ABCA9: variants seen among roughly 807,000 people sequenced by gnomAD.
The protein encoded by ABCA9 is ATP binding cassette subfamily A member 9.
ABCA9 carries 183 observed loss-of-function variants against 205.3 expected under a neutral mutation model. The observed-to-expected ratio is 0.89, with a 90% CI of 0.79 to 1.01. The LOEUF (loss-of-function observed/expected upper bound fraction) is 1.01, where lower values mean the gene tolerates loss of function less well. Among genes scored for constraint, ABCA9 ranks in the 50% least tolerant of loss-of-function variants. The pLI is 0.00. For synonymous variants in ABCA9, 651 were observed against 683.3 expected (o/e 0.95, Z 0.74); for missense variants, 1,805 against 1,912.4 (o/e 0.94, Z 1.05).
chr17:68,996,728 T>G (rs531299267), intron 25 of ABCA9, among the ~76,000 whole-genome samples: 1 of 152,358 alleles, frequency 6.6e-6, no homozygotes, highest in African/African-American at 2.4e-5. Flanking sequence ...GTAAATAACT[T>G]TATAATTTTA....
chr17:69,016,378 A>G lies in ABCA9; in HGVS notation c.2914T>C (p.Ser972Pro). ...VSGDEKDHRF[S>P]IACNTKRLNC... Reference sequence around the variant, plus strand: ...AGCCGTTTTGTATTACATGCTATTGAAAATCTGTGATCCTGAAATACAACA... The same window carrying G: ...AGCCGTTTTGTATTACATGCTATTGGAAATCTGTGATCCTGAAATACAACA... The change falls in exon 22 of 39, where the codon TCA becomes CCA. Residue 972 changes from serine to proline, a missense_variant. Coordinates refer to ENST00000340001, the MANE Select transcript of ABCA9 (RefSeq NM_080283.4). 1.3e-6 allele frequency: 2 copies of G among 1,583,874 alleles called. No individual in the cohort carries two copies. The highest frequency in any genetic ancestry group is 1.7e-6 in the Non-Finnish European group (2 of 1,169,492).
intron 22 of ABCA9, 151 bp downstream of exon 22, chr17:69,016,102 G>GTATATATATATATA (rs369501172): frequency 3.9e-6 from 1 of 255,614 alleles, no homozygotes; most frequent in African/African-American, 2.5e-5. Context: ...ATGTGTGTGT[G>GTATATATATATATA]TATATATATA....
At chr17:69,078,769 T>C in the ABCA9 span, 2 of 388,250 alleles carry the variant, frequency 5.2e-6, no homozygotes, top group Non-Finnish European at 9.1e-6. Context: ...TTTACTAATA[T>C]TTTGTATTGC....
intron 30 of ABCA9, 146 bp downstream of exon 30, chr17:68,989,667 T>C (rs1257318294): frequency 1.8e-6 from 1 of 562,844 alleles, no homozygotes; most frequent in Non-Finnish European, 3.2e-6. Context: ...GTCGTTATCA[T>C]TTCAACTGAG....
intron 10 of ABCA9, among the ~76,000 whole-genome samples, chr17:69,029,974 CA>C (rs2071107070): frequency 6.6e-6 from 1 of 152,132 alleles, no homozygotes; most frequent in Non-Finnish European, 1.5e-5. Context: ...ATCTGTAGAA[CA>C]AACCCCCATG....
At chr17:69,076,435 A>T in the ABCA9 span, among the ~76,000 whole-genome samples, 1 of 152,074 alleles carries the variant, frequency 6.6e-6, no homozygotes, top group South Asian at 2.1e-4. Context: ...TTTGCTGAGG[A>T]TATTTGTATC....
chr17:69,001,324 G>A (rs2069858891), intron 25 of ABCA9, among the ~76,000 whole-genome samples: 1 of 152,130 alleles, frequency 6.6e-6, no homozygotes, highest in African/African-American at 2.4e-5. Context: ...TTTTTAGCAT[G>A]CAAGGTTGTT....
intron 37 of ABCA9, among the ~76,000 whole-genome samples, chr17:68,978,165 C>T (rs987943505): frequency 6.6e-6 from 1 of 152,136 alleles, no homozygotes; most frequent in South Asian, 2.1e-4. Flanking sequence ...ATTGGGTGCA[C>T]ATATATTTAG....
At position 69,060,880 on chromosome 17, in the gene ABCA9, G is replaced by A. The variant is rs1275254970; in HGVS notation, c.-28C>T. On this transcript the variant is annotated 5_prime_UTR_variant, in exon 1 of 39. Coordinates refer to ENST00000340001, the MANE Select transcript of ABCA9 (RefSeq NM_080283.4). ...GGTTAACTTACTCTCAGGAAAGCTG[G>A]AGGAAAAATCTAGAAACACAGTTCA... The A allele has an allele frequency of 7.1e-6, 7 of 985,290 alleles. No homozygotes were observed. The highest frequency in any genetic ancestry group is 7.2e-6 in the Non-Finnish European group (6 of 829,938). 61.0% of individuals were successfully genotyped at this position (985,290 alleles called of 1,614,324 possible). A position where few individuals can be genotyped will look rare whatever the true frequency, so the allele number is the denominator to read the frequency against.
In ABCA9 at chr17:69,060,732, T is replaced by C. The variant is rs182969128; in HGVS notation, c.-14+134A>G. ...TAGACATACAAAATAAAATAGATGA[T>C]TTAAAAAGTCAAAATGACTCGTTAA... On this transcript the variant is annotated intron_variant, in intron 1 of 38. Coordinates refer to ENST00000340001, the MANE Select transcript of ABCA9 (RefSeq NM_080283.4). The C allele has an allele frequency of 3.4e-3, 2,011 of 590,308 alleles. 7 individuals are homozygous for C. Among genetic ancestry groups the C allele is most frequent in the Non-Finnish European group, 3.9e-3 (1,837 of 469,294 alleles). 36.6% of individuals were successfully genotyped at this position (590,308 alleles called of 1,614,324 possible).
chr17:69,065,892 G>A (rs1221531370), upstream of ABCA9, among the ~76,000 whole-genome samples: 1 of 152,126 alleles, frequency 6.6e-6, no homozygotes, highest in African/African-American at 2.4e-5. Flanking sequence ...CATAAGATCT[G>A]ATGGTTTTAT....
rs1336758756 is a variant in ABCA9 at position 69,007,853 on chromosome 17, T to G, written c.3341A>C (p.Tyr1114Ser). 11 of 1,602,296 alleles carry G rather than the reference T, an allele frequency of 6.9e-6. No individual in the cohort carries two copies. Among genetic ancestry groups the G allele is most frequent in the African/African-American group, 1.3e-5 (1 of 74,610 alleles). The change falls in exon 25 of 39, where the codon TAT becomes TCT. Residue 1114 changes from tyrosine (Y) to serine (S), a missense_variant. Transcript: ENST00000340001. ...LLIQILCSIGYVSSLVFLTYV... is the reference protein window; with the variant it reads ...LLIQILCSIGSVSSLVFLTYV... Reference sequence around the variant, plus strand: ...TGTCAAGAAAACAAGAGATGAGACATAGCCAATACTACACAGGATCTGAAA... The same window carrying G: ...TGTCAAGAAAACAAGAGATGAGACAGAGCCAATACTACACAGGATCTGAAA...
At chr17:69,052,731 C>T (rs1342448558) in intron 1 of ABCA9, among the ~76,000 whole-genome samples, 1 of 152,082 alleles carries the variant, frequency 6.6e-6, no homozygotes, top group South Asian at 2.1e-4. Context: ...CAGCAGATCC[C>T]ACAGATTAAG....
chr17:68,990,562 A>C (rs9303007), intron 29 of ABCA9, among the ~76,000 whole-genome samples: 27,907 of 152,036 alleles, frequency 0.18, 6,759 homozygotes, highest in African/African-American at 0.56. Flanking sequence ...TTTTATTTTT[A>C]ATTTTGTAGA....
chr17:69,000,982 C>T (rs1027745344), intron 25 of ABCA9, among the ~76,000 whole-genome samples: 12 of 151,750 alleles, frequency 7.9e-5, no homozygotes, highest in Non-Finnish European at 1.8e-4. Flanking sequence ...TATCCTGAGA[C>T]TTTGCTGAAG....
At chr17:69,039,535 C>A (rs1016453951) in intron 6 of ABCA9, among the ~76,000 whole-genome samples, 1 of 152,110 alleles carries the variant, frequency 6.6e-6, no homozygotes, top group Admixed American at 6.6e-5. Context: ...CCCTTCCTTA[C>A]ACCTTATACA....
the ABCA9 span, among the ~76,000 whole-genome samples, chr17:69,068,187 G>A: frequency 2.0e-5 from 3 of 152,022 alleles, no homozygotes; most frequent in African/African-American, 7.2e-5. Flanking sequence ...AAATGTATTT[G>A]GTCATCTAAA....
chr17:69,026,583 C>A, intron 15 of ABCA9, 116 bp from the exon 16 acceptor site: 2 of 955,130 alleles, frequency 2.1e-6, no homozygotes, highest in Non-Finnish European at 3.2e-6. Context: ...AATAGATATA[C>A]TCTAATTCTG....
At chr17:69,066,022 G>A in the ABCA9 span, among the ~76,000 whole-genome samples, 2 of 152,144 alleles carry the variant, frequency 1.3e-5, no homozygotes, top group African/African-American at 4.8e-5. Flanking sequence ...CAGCCACCAT[G>A]AACTGTGAAT....
Sources: gnomAD v4.1 joint callset for allele counts (sites outside exome capture counted in the v4.1 genomes callset) on GRCh38, gnomAD v4.1.1 for gene constraint, MANE v1.5 for transcripts, NCBI Gene and HGNC (gene_info 2026-07-23, HGNC 2026-07-21) for gene names.